The following GPD2 variants were observed in gnomAD, a reference collection of about 807,000 sequenced individuals.
GPD2 encodes the protein glycerol-3-phosphate dehydrogenase 2, also known as glycerol-3-phosphate dehydrogenase, mitochondrial.
GPD2 carries 54 observed loss-of-function variants against 82.4 expected under a neutral mutation model. The observed-to-expected ratio is 0.66, with a 90% CI of 0.53 to 0.82. The LOEUF is 0.82. Ranked by LOEUF, GPD2 falls within the 40% of genes least tolerant of loss-of-function variation. The pLI, the probability that GPD2 is intolerant of heterozygous loss-of-function variation, is 0.00. For synonymous variants in GPD2, 288 were observed against 306.1 expected (o/e 0.94, Z 0.62); for missense variants, 748 against 896.2 (o/e 0.83, Z 2.11).
chr2:156,541,358 CTTTTGGGAGCATGTGACTCCTCCACA>C (rs1686303592), intron 6 of GPD2, among the ~76,000 whole-genome samples: 1 of 152,174 alleles, frequency 6.6e-6, no homozygotes, highest in Non-Finnish European at 1.5e-5. Flanking sequence ...AATCAAAAGA[CTTTTGGGAGCATGTGACTCCTCCACA>C]TTAGGTAAAT....
At chr2:156,537,931 G>T (rs3769359) in intron 6 of GPD2, among the ~76,000 whole-genome samples, 33,815 of 152,136 alleles carry the variant, frequency 0.22, 4,364 homozygotes, top group South Asian at 0.31. Flanking sequence ...CCCCCGAGGG[G>T]AAGTTTTGTT....
At chr2:156,459,368 G>A (rs899905943) in intron 1 of GPD2, among the ~76,000 whole-genome samples, 8 of 152,072 alleles carry the variant, frequency 5.3e-5, no homozygotes, top group Non-Finnish European at 1.2e-4. Flanking sequence ...AAAGGCAAGG[G>A]TTATGGGTCC....
rs1032361438 is a variant in GPD2, at chr2:156,549,612, A to G, written c.666A>G (p.Gln222=). Residue 222 remains glutamine, a synonymous_variant, in exon 7 of 17, where the codon CAA becomes CAG. Transcript: ENST00000438166. ...CTGATGCTTTCCCCGCTGCAGGACA[A>G]CATAACGATGCACGGATGAACCTTG... ...LVGAIVYYDG[Q]HNDARMNLAI... 4 of 1,613,954 alleles carry G rather than the reference A, an allele frequency of 2.5e-6. No homozygotes were observed. Among genetic ancestry groups the G allele is most frequent in the South Asian group, 1.1e-5 (1 of 91,084 alleles).
chr2:156,445,346 A>G (rs1682334358), intron 1 of GPD2, among the ~76,000 whole-genome samples: 1 of 152,202 alleles, frequency 6.6e-6, no homozygotes, highest in Non-Finnish European at 1.5e-5. Context: ...AGATAATCCT[A>G]TTCCTATTTC....
the GPD2 span, among the ~76,000 whole-genome samples, chr2:156,428,638 C>T: frequency 1.3e-5 from 2 of 152,158 alleles, no homozygotes; most frequent in South Asian, 4.1e-4. Flanking sequence ...TTATTTACAG[C>T]GTGGCCTAGA....
chr2:156,486,371 C>T (rs944707548), intron 2 of GPD2, among the ~76,000 whole-genome samples: 1 of 152,234 alleles, frequency 6.6e-6, no homozygotes, highest in African/African-American at 2.4e-5. Flanking sequence ...CTCAGTGAGT[C>T]AACGACTGAG....
chr2:156,425,261 G>A, the GPD2 span, among the ~76,000 whole-genome samples: 3 of 151,998 alleles, frequency 2.0e-5, no homozygotes, highest in African/African-American at 7.2e-5. Context: ...ACCAGAACTG[G>A]CTAATTTTTT....
chr2:156,506,984 C>A (rs1684806419), intron 3 of GPD2, among the ~76,000 whole-genome samples: 1 of 151,858 alleles, frequency 6.6e-6, no homozygotes, highest in South Asian at 2.1e-4. Context: ...ACTAAAAATA[C>A]TAATATTAGT....
intron 2 of GPD2, among the ~76,000 whole-genome samples, chr2:156,476,448 T>C (rs774245566): frequency 6.6e-6 from 1 of 152,252 alleles, no homozygotes; most frequent in Non-Finnish European, 1.5e-5. Context: ...TTTGGCTCTT[T>C]GGTTTTTAAA....
chr2:156,446,760 C>T (rs1682383437), intron 1 of GPD2, among the ~76,000 whole-genome samples: 1 of 151,816 alleles, frequency 6.6e-6, no homozygotes, highest in Admixed American at 6.6e-5. Context: ...GACAAGGTTT[C>T]ACCATGTTGG....
At position 156,496,070 on chromosome 2, in the gene GPD2, A is replaced by G; in HGVS notation, c.129A>G (p.Ala43=). The G allele has an allele frequency of 6.2e-7, 1 of 1,613,298 alleles. No individual in the cohort carries two copies. Among genetic ancestry groups the G allele is most frequent in the African/African-American group, 1.3e-5 (1 of 75,042 alleles). The change falls in exon 3 of 17, where the codon GCA becomes GCG. Residue 43 remains alanine (A), a synonymous_variant. Coordinates refer to ENST00000438166, the MANE Select transcript of GPD2 (RefSeq NM_000408.5). ...KQMNLAYVKA[A]DCISEPVNRE... is the part of the protein sequence containing the mutation. ...TGAACCTGGCCTATGTTAAAGCAGCAGACTGCATTTCAGAACCAGTTAACA... is the reference window on the plus strand; with the variant it reads ...TGAACCTGGCCTATGTTAAAGCAGCGGACTGCATTTCAGAACCAGTTAACA...
intron 8 of GPD2, among the ~76,000 whole-genome samples, chr2:156,554,708 A>T (rs1686895287): frequency 6.6e-6 from 1 of 152,334 alleles, no homozygotes; most frequent in South Asian, 2.1e-4. Flanking sequence ...AGCAATGATA[A>T]TACACCAAAC....
intron 6 of GPD2, among the ~76,000 whole-genome samples, chr2:156,533,385 C>T (rs1225826940): frequency 6.6e-6 from 1 of 152,164 alleles, no homozygotes; most frequent in Non-Finnish European, 1.5e-5. Context: ...TTTGAATTCT[C>T]CCTTGTGTTT....
rs954555040 is a variant in GPD2, at chr2:156,583,798, T to C, written c.*880T>C. Reference sequence around the variant, plus strand: ...GACCAAATTTATCTAATTATTACAGTAGTAATACATTTAAGAGTTAAAAAT... The same window carrying C: ...GACCAAATTTATCTAATTATTACAGCAGTAATACATTTAAGAGTTAAAAAT... On this transcript the variant is annotated 3_prime_UTR_variant, in exon 17 of 17. Transcript: ENST00000438166. The C allele has an allele frequency of 7.9e-5, 12 of 152,484 alleles. No homozygotes were observed. The highest frequency in any genetic ancestry group is 1.8e-4 in the Non-Finnish European group (12 of 67,982). The allele number at this position is 152,484 out of a possible 1,614,324, so 9.4% of individuals were successfully genotyped here. A position where few individuals can be genotyped will look rare whatever the true frequency, so the allele number is the denominator to read the frequency against.
intron 2 of GPD2, among the ~76,000 whole-genome samples, chr2:156,491,935 G>T (rs373962144): frequency 6.6e-6 from 1 of 150,988 alleles, no homozygotes; most frequent in African/African-American, 2.4e-5. Context: ...CAGGAGAATC[G>T]CTTGAACCCG....
chr2:156,439,535 A>AAAAG (rs1682075826), intron 1 of GPD2, among the ~76,000 whole-genome samples: 1 of 115,182 alleles, frequency 8.7e-6, no homozygotes, highest in African/African-American at 3.5e-5. Context: ...AAAAAAAAAA[A>AAAAG]AAAACAAAAA....
intron 6 of GPD2, among the ~76,000 whole-genome samples, chr2:156,543,746 T>C (rs144447657): frequency 6.6e-6 from 1 of 152,146 alleles, no homozygotes; most frequent in Non-Finnish European, 1.5e-5. Context: ...AATATTTTAT[T>C]TGAGTTTGGG....
intron 2 of GPD2, among the ~76,000 whole-genome samples, chr2:156,484,366 A>G (rs1438831995): frequency 6.6e-6 from 1 of 151,892 alleles, no homozygotes; most frequent in East Asian, 1.9e-4. Flanking sequence ...TGAACGCCTG[A>G]CCTAGGGTGA....
In GPD2 at chr2:156,555,714, AT is replaced by A. The variant is rs539919078; in HGVS notation, c.972-1674del. Among the ~76,000 whole-genome samples the A allele has an allele frequency of 1.1e-4, 16 of 152,160 alleles. No homozygotes were observed. The South Asian group carries it at 3.3e-3, about 32-fold the overall frequency. On this transcript the variant is annotated intron_variant, in intron 8 of 16. Coordinates refer to ENST00000438166, the MANE Select transcript of GPD2 (RefSeq NM_000408.5). ...GTTTTATGATAAATACAAAGAAAAA[AT>A]AATCATATTTAGAGAACAAAAATAC...
Sources: gnomAD v4.1 joint callset for allele counts (sites outside exome capture counted in the v4.1 genomes callset) on GRCh38, gnomAD v4.1.1 for gene constraint, MANE v1.5 for transcripts, NCBI Gene and HGNC (gene_info 2026-07-23, HGNC 2026-07-21) for gene names.